The following ANKFN1 variants were observed in gnomAD, a reference collection of about 807,000 sequenced individuals.
ANKFN1 encodes the protein ankyrin repeat and fibronectin type-III domain-containing protein 1.
A neutral mutation model predicts 108.7 loss-of-function variants in ANKFN1; 74 were observed. That is an observed-to-expected ratio of 0.68 (90% confidence interval 0.56 to 0.83). The LOEUF is 0.83. ANKFN1 is among the 40% of genes least tolerant of loss of function. ANKFN1 has a pLI of 0.00. For missense variants in ANKFN1, 1,505 were observed against 1,382.3 expected (o/e 1.09, Z -1.41); for synonymous variants, 547 against 516.2 (o/e 1.06, Z -0.81).
rs1005136625 is a variant in ANKFN1 at position 56,516,288 on chromosome 17, G to A, written c.*5019G>A. On this transcript the variant is annotated 3_prime_UTR_variant, in exon 21 of 21. Coordinates refer to ENST00000682825, the MANE Select transcript of ANKFN1 (RefSeq NM_001370326.1). The stretch of plus-strand genomic sequence containing the variant: ...TGTGTGTGTGTGTGTGTGTGCGTGT[G>A]TGGTGGTGTCAGAGAGATGTTTCAT... Among the ~76,000 whole-genome samples, 1 of 152,094 alleles carries A rather than the reference G, an allele frequency of 6.6e-6. No individual in the cohort carries two copies. The highest frequency in any genetic ancestry group is 1.5e-5 in the Non-Finnish European group (1 of 68,006).
At chr17:56,318,836 A>T (rs191210019) in intron 3 of ANKFN1, among the ~76,000 whole-genome samples, 15 of 152,312 alleles carry the variant, frequency 9.8e-5, no homozygotes, top group Non-Finnish European at 2.2e-4. Context: ...GTCATTGATA[A>T]TGATCTGTTC....
At chr17:56,459,999 G>GA (rs1251470606) in intron 14 of ANKFN1, among the ~76,000 whole-genome samples, 3 of 149,164 alleles carry the variant, frequency 2.0e-5, no homozygotes, top group African/African-American at 7.4e-5. Flanking sequence ...TATTTATTTG[G>GA]AAAAATCCCA....
At chr17:56,393,843 A>G (rs185099989) in intron 8 of ANKFN1, among the ~76,000 whole-genome samples, 87 of 152,302 alleles carry the variant, frequency 5.7e-4, no homozygotes, top group Non-Finnish European at 9.0e-4. Flanking sequence ...GCAGCAGTAA[A>G]TAAGATCAGC....
At chr17:56,293,278 A>G (rs755429145) in intron 3 of ANKFN1, among the ~76,000 whole-genome samples, 6 of 152,208 alleles carry the variant, frequency 3.9e-5, no homozygotes, top group Non-Finnish European at 8.8e-5. Context: ...TGTTAGGCAC[A>G]GGGCCAAACA....
chr17:56,167,709 C>T (rs2143543641), intron 1 of ANKFN1, among the ~76,000 whole-genome samples: 1 of 152,290 alleles, frequency 6.6e-6, no homozygotes, highest in East Asian at 1.9e-4. Flanking sequence ...GGAAGCTCTG[C>T]ACCATGTAGT....
chr17:56,112,023 T>A (rs934566196), intron 4 of ANKFN1, among the ~76,000 whole-genome samples: 1 of 152,216 alleles, frequency 6.6e-6, no homozygotes, highest in African/African-American at 2.4e-5. Flanking sequence ...AGGGGCTAGC[T>A]ACAGATGAAA....
At chr17:56,238,938 AT>A (rs573423456) in intron 3 of ANKFN1, among the ~76,000 whole-genome samples, 2 of 151,954 alleles carry the variant, frequency 1.3e-5, no homozygotes, top group East Asian at 1.9e-4. Context: ...TATTAAGTTG[AT>A]TTTTTTTCTC....
At chr17:56,322,270 C>T (rs1444368172) in intron 3 of ANKFN1, among the ~76,000 whole-genome samples, 1 of 152,186 alleles carries the variant, frequency 6.6e-6, no homozygotes, top group Non-Finnish European at 1.5e-5. Context: ...CTCTCTCTCT[C>T]ATCCTCCCCA....
At chr17:56,141,332 G>A (rs1223633302) in intron 4 of ANKFN1, among the ~76,000 whole-genome samples, 3 of 152,192 alleles carry the variant, frequency 2.0e-5, no homozygotes, top group Non-Finnish European at 2.9e-5. Context: ...ATACCATAGG[G>A]CCTTTAAGGA....
intron 3 of ANKFN1, among the ~76,000 whole-genome samples, chr17:56,245,250 T>C (rs1193150707): frequency 1.3e-5 from 2 of 152,130 alleles, no homozygotes; most frequent in Non-Finnish European, 2.9e-5. Context: ...TGGTTCCTCA[T>C]GTAATTGATT....
intron 8 of ANKFN1, among the ~76,000 whole-genome samples, chr17:56,429,530 C>T (rs1316749634): frequency 1.3e-5 from 2 of 152,198 alleles, no homozygotes; most frequent in East Asian, 3.8e-4. Flanking sequence ...TTTTCTTCAA[C>T]ATAAAAACCA....
intron 1 of ANKFN1, among the ~76,000 whole-genome samples, chr17:56,174,929 C>A (rs1911002850): frequency 6.6e-6 from 1 of 152,068 alleles, no homozygotes. Flanking sequence ...CTTAAGTGGA[C>A]CTTCTTTCTT....
rs71139913 is a variant in ANKFN1, at chr17:56,516,257, AGT to A, written c.*5012_*5013del. Among the ~76,000 whole-genome samples the A allele has an allele frequency of 0.097, 14,395 of 148,042 alleles. 711 individuals are homozygous for A. Among genetic ancestry groups the A allele is most frequent in the Middle Eastern group, 0.12 (33 of 280 alleles). ...GTTTGATGTTTGTGATTTTTAAAAAAGTGTGTGTGTGTGTGTGTGTGTGTGCG... is the reference window on the plus strand; with the variant it reads ...GTTTGATGTTTGTGATTTTTAAAAAAGTGTGTGTGTGTGTGTGTGTGTGCG... On this transcript the variant is annotated 3_prime_UTR_variant, in exon 21 of 21. Transcript: ENST00000682825.
At chr17:56,185,133 A>C (rs1465171871) in intron 1 of ANKFN1, among the ~76,000 whole-genome samples, 1 of 152,086 alleles carries the variant, frequency 6.6e-6, no homozygotes, top group African/African-American at 2.4e-5. Context: ...TGAAACCCTG[A>C]CCTAAACTCC....
intron 4 of ANKFN1, among the ~76,000 whole-genome samples, chr17:56,116,477 G>A (rs1906283074): frequency 1.3e-5 from 2 of 152,210 alleles, no homozygotes; most frequent in South Asian, 4.1e-4. Flanking sequence ...GATTATGGGG[G>A]CAGATCCCTC....
intron 4 of ANKFN1, among the ~76,000 whole-genome samples, chr17:56,088,646 C>T (rs1905358291): frequency 1.3e-5 from 2 of 151,106 alleles, no homozygotes; most frequent in African/African-American, 4.9e-5. Flanking sequence ...GGGCATGACT[C>T]CCTCCACCTA....
At chr17:56,133,332 A>G (rs1907396986) in intron 4 of ANKFN1, among the ~76,000 whole-genome samples, 1 of 152,234 alleles carries the variant, frequency 6.6e-6, no homozygotes, top group African/African-American at 2.4e-5. Flanking sequence ...TGACCCCCAA[A>G]GTAAACTAAC....
At chr17:56,181,319 T>C (rs1911657207) in intron 1 of ANKFN1, among the ~76,000 whole-genome samples, 1 of 152,184 alleles carries the variant, frequency 6.6e-6, no homozygotes, top group Admixed American at 6.6e-5. Flanking sequence ...TTAAAAAAAG[T>C]ACACATTTTC....
rs139265985 is a variant in ANKFN1 at position 56,179,959 on chromosome 17, T to G, written c.-71+26429T>G. On this transcript the variant is annotated intron_variant, in intron 1 of 20. Transcript: ENST00000682825. ...AGATTGAGCTCATCTCATAGCTTGA[T>G]GTCTAACCAGGGAAGGTGTTCGATA... Among the ~76,000 whole-genome samples the G allele has an allele frequency of 1.5e-4, 23 of 152,320 alleles. No homozygotes were observed. The East Asian group carries it at 3.3e-3, about 22-fold the overall frequency.
Sources: gnomAD v4.1 joint callset for allele counts (sites outside exome capture counted in the v4.1 genomes callset) on GRCh38, gnomAD v4.1.1 for gene constraint, MANE v1.5 for transcripts, NCBI Gene and HGNC (gene_info 2026-07-23, HGNC 2026-07-21) for gene names.